The following ASTN2 variants were observed in gnomAD, a reference collection of about 807,000 sequenced individuals.
ASTN2 encodes the protein astrotactin-2.
A neutral mutation model predicts 139.8 loss-of-function variants in ASTN2; 54 were observed. That is an observed-to-expected ratio of 0.39 (90% CI 0.31 to 0.48). The LOEUF (loss-of-function observed/expected upper bound fraction) is 0.48. Among genes scored for constraint, ASTN2 ranks in the 20% least tolerant of loss-of-function variants. The probability of loss-of-function intolerance (pLI) is 0.95; values close to 1 mark genes in which losing one functional copy is unlikely to be tolerated. For synonymous variants in ASTN2, 756 were observed against 719.5 expected (o/e 1.05, Z -0.81); for missense variants, 1,565 against 1,725.1 (o/e 0.91, Z 1.64).
chr9:116,767,923 A>C (rs1829852083), intron 13 of ASTN2, among the ~76,000 whole-genome samples: 1 of 152,326 alleles, frequency 6.6e-6, no homozygotes, highest in South Asian at 2.1e-4. Context: ...TCCATAAGCA[A>C]CCCATGCAAC....
At chr9:116,710,733 C>CAAA (rs57745448) in intron 16 of ASTN2, among the ~76,000 whole-genome samples, 197 of 72,262 alleles carry the variant, frequency 2.7e-3, no homozygotes, top group Middle Eastern at 0.014. Context: ...AACTCCGTCT[C>CAAA]AAAAAAAAAA....
At chr9:116,999,236 G>T (rs1460580798) in intron 7 of ASTN2, among the ~76,000 whole-genome samples, 1 of 152,140 alleles carries the variant, frequency 6.6e-6, no homozygotes, top group Non-Finnish European at 1.5e-5. Context: ...TTTGAGCGGA[G>T]AATATCCTAG....
chr9:116,814,499 C>T (rs1270305335), intron 12 of ASTN2, among the ~76,000 whole-genome samples: 1 of 151,772 alleles, frequency 6.6e-6, no homozygotes, highest in African/African-American at 2.4e-5. Flanking sequence ...TAGTCTAAGA[C>T]CCCTAATAAT....
In ASTN2 at chr9:117,265,206, C is replaced by T. The variant is rs141000802; in HGVS notation, c.630+26120G>A. On this transcript the variant is annotated intron_variant, in intron 2 of 22. Transcript: ENST00000313400. ...AATAACTATTAGAGGAGTTAGGAAA[C>T]AAGGCAGGGAAGAAAAAGAAGGCCA... Among the ~76,000 whole-genome samples, 275 of 152,232 alleles carry T rather than the reference C, an allele frequency of 1.8e-3. 4 individuals are homozygous for T. Among genetic ancestry groups the T allele is most frequent in the African/African-American group, 6.2e-3 (258 of 41,532 alleles).
chr9:116,484,446 T>C (rs534922015), intron 20 of ASTN2, among the ~76,000 whole-genome samples: 2 of 152,312 alleles, frequency 1.3e-5, no homozygotes, highest in African/African-American at 4.8e-5. Flanking sequence ...CTATTTCTAC[T>C]GCCGCACACA....
chr9:117,353,154 T>C (rs749906914), intron 1 of ASTN2, among the ~76,000 whole-genome samples: 8 of 152,110 alleles, frequency 5.3e-5, no homozygotes, highest in Non-Finnish European at 1.2e-4. Context: ...TAAAAATGGT[T>C]AAAATGGCAA....
At chr9:116,692,961 G>C (rs1860647494) in intron 16 of ASTN2, among the ~76,000 whole-genome samples, 1 of 152,066 alleles carries the variant, frequency 6.6e-6, no homozygotes, top group South Asian at 2.1e-4. Context: ...TTACCCATCA[G>C]TTTTTAGCCT....
At chr9:116,972,661 AGTT>A (rs1368659405) in intron 10 of ASTN2, among the ~76,000 whole-genome samples, 2 of 152,196 alleles carry the variant, frequency 1.3e-5, no homozygotes, top group African/African-American at 4.8e-5. Flanking sequence ...TGTTATCATT[AGTT>A]GTTTTAAATT....
intron 1 of ASTN2, among the ~76,000 whole-genome samples, chr9:117,300,803 C>T (rs1834857536): frequency 6.6e-6 from 1 of 152,144 alleles, no homozygotes; most frequent in African/African-American, 2.4e-5. Context: ...AGAACAGACT[C>T]AAGCTCTTCT....
intron 1 of ASTN2, among the ~76,000 whole-genome samples, chr9:117,306,898 A>G (rs574625527): frequency 2.5e-4 from 38 of 152,306 alleles, no homozygotes; most frequent in East Asian, 3.9e-4. Flanking sequence ...TACTAGAAGG[A>G]ACATGTTGCC....
intron 22 of ASTN2, chr9:116,437,263 G>T: frequency 4.3e-6 from 2 of 470,062 alleles, no homozygotes; most frequent in Non-Finnish European, 8.8e-6. Flanking sequence ...GAGACTGAGG[G>T]CCAGAAAGCG....
Position 117,000,337 on chromosome 9 carries a change from A to T in ASTN2, c.1591+7755T>A, listed in dbSNP as rs142110573. On this transcript the variant is annotated intron_variant, in intron 7 of 22. Coordinates refer to ENST00000313400, the MANE Select transcript of ASTN2 (RefSeq NM_001365068.1). ...AAACCTGGCTGTGTCTGACTCAGGA[A>T]GATATCCCAATTCTACTGTGGTTCA... 1.3e-3 allele frequency among the ~76,000 whole-genome samples: 205 copies of T among 152,354 alleles called. 2 individuals are homozygous for T. Among genetic ancestry groups the T allele is most frequent in the East Asian group, 5.6e-3 (29 of 5,184 alleles).
chr9:117,147,385 G>A (rs1467049571), intron 3 of ASTN2, among the ~76,000 whole-genome samples: 2 of 151,922 alleles, frequency 1.3e-5, no homozygotes, highest in African/African-American at 2.4e-5. Context: ...GCAGTGAGCT[G>A]AGATCACGCC....
rs1838293935 is a variant in ASTN2 at position 117,033,169 on chromosome 9, A to G, written c.1423+6650T>C. Among the ~76,000 whole-genome samples, 3 of 152,156 alleles carry G rather than the reference A, an allele frequency of 2.0e-5. No homozygotes were observed. The South Asian group carries it at 6.2e-4, about 31-fold the overall frequency. On this transcript the variant is annotated intron_variant, in intron 6 of 22. Coordinates refer to ENST00000313400, the MANE Select transcript of ASTN2 (RefSeq NM_001365068.1). ...AAGTCCTAAAAAATTAAGTGGTTTT[A>G]AAATTTACAGTTTGATAATATGGCT...
intron 19 of ASTN2, among the ~76,000 whole-genome samples, chr9:116,492,250 T>A (rs1588110837): frequency 6.6e-6 from 1 of 152,048 alleles, no homozygotes. Flanking sequence ...CCTGGCTAAT[T>A]TTTGTATTTT....
chr9:117,258,892 G>T (rs1422318990), intron 2 of ASTN2, among the ~76,000 whole-genome samples: 3 of 152,140 alleles, frequency 2.0e-5, no homozygotes, highest in Non-Finnish European at 2.9e-5. Context: ...ATCCTGAAGG[G>T]ATAGGGATCG....
intron 16 of ASTN2, among the ~76,000 whole-genome samples, chr9:116,670,446 G>T (rs1033887742): frequency 6.6e-6 from 1 of 152,140 alleles, no homozygotes; most frequent in Admixed American, 6.5e-5. Flanking sequence ...ATAAGCCACC[G>T]CACCTGGCCT....
chr9:117,304,471 G>A (rs762736553), intron 1 of ASTN2, among the ~76,000 whole-genome samples: 3 of 152,260 alleles, frequency 2.0e-5, no homozygotes, highest in Non-Finnish European at 4.4e-5. Context: ...TGCTTAATGG[G>A]CATGTGTAGC....
At chr9:116,877,950 T>C (rs1352527924) in intron 10 of ASTN2, among the ~76,000 whole-genome samples, 2 of 151,940 alleles carry the variant, frequency 1.3e-5, no homozygotes, top group African/African-American at 4.8e-5. Context: ...AACAAACATA[T>C]GAAAAAAAGC....
Sources: gnomAD v4.1 joint callset for allele counts (sites outside exome capture counted in the v4.1 genomes callset) on GRCh38, gnomAD v4.1.1 for gene constraint, MANE v1.5 for transcripts, NCBI Gene and HGNC (gene_info 2026-07-23, HGNC 2026-07-21) for gene names.